The following BTG4 variants were observed in gnomAD, a reference collection of about 807,000 sequenced individuals.
The protein encoded by BTG4 is protein BTG4.
BTG4 carries 10 observed loss-of-function variants against 19.3 expected under a neutral mutation model. The ratio of observed to expected loss-of-function variants is 0.52; its 90% confidence interval spans 0.32 to 0.88. The LOEUF (loss-of-function observed/expected upper bound fraction) is 0.88. Ranked by LOEUF, BTG4 falls within the 40% of genes least tolerant of loss-of-function variation. The pLI is 0.04. For missense variants in BTG4, 238 were observed against 281.9 expected (o/e 0.84, Z 1.11); for synonymous variants, 91 against 95.7 (o/e 0.95, Z 0.29).
chr11:111,426,054 C>A, the BTG4 span, among the ~76,000 whole-genome samples: 2,470 of 152,120 alleles, frequency 0.016, 66 homozygotes, highest in African/African-American at 0.057. Context: ...AAAGGAGAAA[C>A]TGACCTGGGC....
chr11:111,419,650 T>C, the BTG4 span, among the ~76,000 whole-genome samples: 3 of 152,198 alleles, frequency 2.0e-5, no homozygotes, highest in Non-Finnish European at 2.9e-5. Context: ...ATGCCCTGGC[T>C]AGATGGAAGA....
chr11:111,466,320 G>C (rs146090884), downstream of BTG4, among the ~76,000 whole-genome samples: 1 of 152,172 alleles, frequency 6.6e-6, no homozygotes, highest in African/African-American at 2.4e-5. Flanking sequence ...AAATACTCAA[G>C]GCCATTACAG....
the BTG4 span, among the ~76,000 whole-genome samples, chr11:111,421,502 C>T: frequency 6.6e-6 from 1 of 152,218 alleles, no homozygotes; most frequent in Non-Finnish European, 1.5e-5. Context: ...TCCCTGTGGG[C>T]TCCCATCTGG....
chr11:111,394,443 C>T, the BTG4 span, among the ~76,000 whole-genome samples: 1 of 152,162 alleles, frequency 6.6e-6, no homozygotes, highest in African/African-American at 2.4e-5. Flanking sequence ...AAGGGGAAAC[C>T]CCTTTTGCTT....
intron 5 of BTG4, among the ~76,000 whole-genome samples, chr11:111,488,534 T>A (rs1407917200): frequency 6.6e-6 from 1 of 152,126 alleles, no homozygotes; most frequent in East Asian, 1.9e-4. Flanking sequence ...AGAACATTGG[T>A]CTGGGCAAAG....
the BTG4 span, chr11:111,462,057 A>G: frequency 6.5e-6 from 1 of 152,848 alleles, no homozygotes; most frequent in African/African-American, 2.4e-5. Flanking sequence ...GCACCACCTC[A>G]CAGTCCCCAC....
At chr11:111,445,154 G>A in the BTG4 span, among the ~76,000 whole-genome samples, 1 of 152,154 alleles carries the variant, frequency 6.6e-6, no homozygotes, top group African/African-American at 2.4e-5. Context: ...TTGGGGACTT[G>A]CCCTCATTCT....
rs1565462946 is a variant in BTG4, at chr11:111,495,032, C to T, written c.*103G>A. On this transcript the variant is annotated 3_prime_UTR_variant, in exon 5 of 5. Transcript: ENST00000692032. ...TGTGTACCCTAGTCCCTAATATGGT[C>T]ATTTTTTGTTTCATGGGCCTCTCAA... 2.2e-6 allele frequency: 3 copies of T among 1,364,240 alleles called. No homozygotes were observed. The East Asian group carries it at 8.4e-5, about 38-fold the overall frequency. The allele number at this position is 1,364,240 out of a possible 1,614,324, so 84.5% of individuals were successfully genotyped here.
chr11:111,498,256 C>A lies in BTG4; in HGVS notation c.174-121G>T. The A allele has an allele frequency of 2.8e-6, 3 of 1,069,342 alleles. No individual in the cohort carries two copies. In the South Asian group the frequency reaches 4.4e-5, roughly 16 times the overall value. 66.2% of individuals were successfully genotyped at this position (1,069,342 alleles called of 1,614,324 possible). A position where few individuals can be genotyped will look rare whatever the true frequency, so the allele number is the denominator to read the frequency against. ...ACCTCATCCCCTCAGCCTCCTTCCC[C>A]TCAGCCTCCTCCACCCTCCACTCTT... is the stretch of plus-strand genomic sequence containing the variant. On this transcript the variant is annotated intron_variant, in intron 2 of 4. Coordinates refer to ENST00000692032, the MANE Select transcript of BTG4 (RefSeq NM_001367975.1).
chr11:111,408,466 G>T, the BTG4 span, among the ~76,000 whole-genome samples: 1 of 152,166 alleles, frequency 6.6e-6, no homozygotes, highest in Non-Finnish European at 1.5e-5. Context: ...TATGGCTATT[G>T]GCCCAGGACC....
chr11:111,510,068 C>T lies in BTG4; in HGVS notation c.-27+2113G>A, dbSNP rs556055163. Among the ~76,000 whole-genome samples the T allele has an allele frequency of 2.6e-5, 4 of 151,830 alleles. No homozygotes were observed. In the South Asian group the frequency reaches 8.4e-4, roughly 32 times the overall value. ...CTGGAACTACAGGCGCGCACCACCA[C>T]GCCCAGCTGATTTTTGTATTTTTAG... is the stretch of plus-strand genomic sequence containing the variant. On this transcript the variant is annotated intron_variant, in intron 1 of 4. Coordinates refer to ENST00000692032, the MANE Select transcript of BTG4 (RefSeq NM_001367975.1).
chr11:111,456,590 C>T, the BTG4 span: 1 of 454,694 alleles, frequency 2.2e-6, no homozygotes, highest in South Asian at 1.6e-5. This position sits in a 1 kb window ranked among gnomAD's most constrained non-coding sequence, Gnocchi z 4.2. Flanking sequence ...GGCCCCAACT[C>T]CTTGATGCTT....
chr11:111,486,416 G>T (rs1364872378), intron 5 of BTG4, among the ~76,000 whole-genome samples: 1 of 152,110 alleles, frequency 6.6e-6, no homozygotes, highest in Non-Finnish European at 1.5e-5. Context: ...CAGCCTAGGT[G>T]ATAGAGTAAG....
At chr11:111,494,342 A>T (rs1210955433), downstream of BTG4, among the ~76,000 whole-genome samples, 5 of 152,220 alleles carry the variant, frequency 3.3e-5, no homozygotes, top group African/African-American at 1.2e-4. Context: ...GGGTCCAGTC[A>T]ACAAGGTTGT....
chr11:111,482,497 A>G (rs576144790), intron 5 of BTG4, among the ~76,000 whole-genome samples: 2 of 152,258 alleles, frequency 1.3e-5, no homozygotes, highest in East Asian at 1.9e-4. Flanking sequence ...TGGAATAGCT[A>G]AAGTAATTTT....
intron 1 of BTG4, among the ~76,000 whole-genome samples, chr11:111,499,004 C>T (rs1234352517): frequency 6.6e-6 from 1 of 151,700 alleles, no homozygotes. Flanking sequence ...CTCAAATAGC[C>T]CAGTTTTAAA....
intron 5 of BTG4, among the ~76,000 whole-genome samples, chr11:111,485,186 T>C (rs959701392): frequency 6.6e-6 from 1 of 152,100 alleles, no homozygotes; most frequent in Non-Finnish European, 1.5e-5. Flanking sequence ...CCACTTTCAG[T>C]ATTGGACAGA....
chr11:111,402,522 C>A, the BTG4 span, among the ~76,000 whole-genome samples: 1 of 152,126 alleles, frequency 6.6e-6, no homozygotes, highest in African/African-American at 2.4e-5. Context: ...GGGATTGTTG[C>A]CTATTTTGGC....
At chr11:111,441,319 C>T in the BTG4 span, among the ~76,000 whole-genome samples, 6 of 151,978 alleles carry the variant, frequency 3.9e-5, no homozygotes, top group African/African-American at 7.3e-5. Flanking sequence ...CATGTTCCCA[C>T]AGGAAGGAAG....
Sources: allele counts gnomAD v4.1 joint callset (sites outside exome capture counted in the v4.1 genomes callset), GRCh38; gene constraint gnomAD v4.1.1; non-coding constraint Gnocchi (gnomAD v3.1); transcripts MANE v1.5; gene names NCBI Gene and HGNC (gene_info 2026-07-23, HGNC 2026-07-21).